Variants in MYO1D observed in about 807,000 individuals in gnomAD.
MYO1D encodes the protein unconventional myosin-Id.
Under a neutral mutation model 122.0 loss-of-function variants are expected in MYO1D, and 83 were observed. That is an observed-to-expected ratio of 0.68 (90% CI 0.57 to 0.82). MYO1D has a LOEUF of 0.82. MYO1D is among the 40% of genes least tolerant of loss of function. The probability of loss-of-function intolerance (pLI) is 0.00; values close to 1 mark genes in which losing one functional copy is unlikely to be tolerated. For missense variants in MYO1D, 1,157 were observed against 1,269.5 expected, an observed-to-expected ratio of 0.91 and a Z score of 1.35; for synonymous variants, 464 against 446.9, an observed-to-expected ratio of 1.04 and a Z score of -0.48.
At chr17:32,540,916 T>C (rs1910819265) in intron 21 of MYO1D, among the ~76,000 whole-genome samples, 2 of 132,828 alleles carry the variant, frequency 1.5e-5, no homozygotes, top group Non-Finnish European at 3.1e-5. Context: ...ACAGAGTGAC[T>C]TCGTCTCAAA....
chr17:32,668,740 C>T (rs1597989040), intron 16 of MYO1D, among the ~76,000 whole-genome samples: 3 of 148,656 alleles, frequency 2.0e-5, no homozygotes, highest in South Asian at 2.1e-4. Context: ...CTCACTCTGT[C>T]GCCCAGGCTG....
At chr17:32,733,111 T>A (rs2089659435) in intron 14 of MYO1D, among the ~76,000 whole-genome samples, 1 of 152,182 alleles carries the variant, frequency 6.6e-6, no homozygotes, top group African/African-American at 2.4e-5. Flanking sequence ...ATTCTGTGCC[T>A]GGCTCACCCT....
intron 13 of MYO1D, among the ~76,000 whole-genome samples, chr17:32,742,920 T>C (rs751151090): frequency 2.0e-5 from 3 of 152,268 alleles, no homozygotes; most frequent in Non-Finnish European, 4.4e-5. Flanking sequence ...CAATGCTACA[T>C]GGAAACCAGT....
At position 32,783,443 on chromosome 17, in the gene MYO1D, A is replaced by G. The variant is rs144939451; in HGVS notation, c.96-2659T>C. On this transcript the variant is annotated intron_variant, in intron 1 of 21. Transcript: ENST00000318217. ...GTGGCACATGCTTGCAGACCCAGCT[A>G]TTTGAGATGCTGAGGCAGAAGGATC... Among the ~76,000 whole-genome samples, 56 of 152,316 alleles carry G rather than the reference A, an allele frequency of 3.7e-4. No homozygotes were observed. In the East Asian group the frequency reaches 8.1e-3, roughly 22 times the overall value.
intron 14 of MYO1D, among the ~76,000 whole-genome samples, chr17:32,729,164 A>G (rs530966758): frequency 1.4e-3 from 216 of 151,626 alleles, no homozygotes; most frequent in Non-Finnish European, 1.8e-3. Context: ...GTCTCTCCCT[A>G]TATATTTTAC....
At chr17:32,502,676 A>G (rs897281713) in intron 21 of MYO1D, among the ~76,000 whole-genome samples, 12 of 152,172 alleles carry the variant, frequency 7.9e-5, no homozygotes, top group Admixed American at 3.9e-4. Flanking sequence ...CTAATAAGAG[A>G]TTTCTTGTGC....
intron 21 of MYO1D, among the ~76,000 whole-genome samples, chr17:32,554,324 T>C (rs1200454185): frequency 6.6e-6 from 1 of 152,176 alleles, no homozygotes; most frequent in Non-Finnish European, 1.5e-5. Context: ...ATCACTGCCA[T>C]GGCCAGATCC....
chr17:32,574,804 T>C (rs1174231664), intron 21 of MYO1D, among the ~76,000 whole-genome samples: 1 of 152,152 alleles, frequency 6.6e-6, no homozygotes, highest in African/African-American at 2.4e-5. Flanking sequence ...AGTCCTAACA[T>C]CTAAAACAGT....
At chr17:32,508,535 CA>C (rs1909578272) in intron 21 of MYO1D, among the ~76,000 whole-genome samples, 2 of 152,186 alleles carry the variant, frequency 1.3e-5, no homozygotes, top group African/African-American at 4.8e-5. Context: ...CTTGGCCTCC[CA>C]AAGTACCAGG....
At chr17:32,803,028 C>G (rs765204741) in intron 1 of MYO1D, among the ~76,000 whole-genome samples, 31 of 152,200 alleles carry the variant, frequency 2.0e-4, no homozygotes, top group Admixed American at 1.1e-3. Flanking sequence ...AGAAGTCAGT[C>G]AAACAGGGCA....
chr17:32,806,380 A>G (rs1292727936), intron 1 of MYO1D, among the ~76,000 whole-genome samples: 1 of 152,162 alleles, frequency 6.6e-6, no homozygotes, highest in Non-Finnish European at 1.5e-5. Flanking sequence ...TATGTATCCC[A>G]TTTGTAAATT....
rs560953120 is a variant in MYO1D at position 32,864,007 on chromosome 17, C to CTTTTTTTTTTTTT, written c.95+12758_95+12770dup. Among the ~76,000 whole-genome samples the CTTTTTTTTTTTTT allele has an allele frequency of 3.0e-3, 145 of 48,976 alleles. 48 individuals carry two copies. The highest frequency in any genetic ancestry group is 0.012 in the East Asian group (9 of 752). 32.1% of individuals were successfully genotyped at this position (48,976 alleles called of 152,430 possible). On this transcript the variant is annotated intron_variant, in intron 1 of 21. Transcript: ENST00000318217. ...TAATTTTGGTTACAAACATTTCTTC[C>CTTTTTTTTTTTTT]TTTTTTTTTTTTTTTTTTTTTTTTT... is the stretch of plus-strand genomic sequence containing the variant.
intron 20 of MYO1D, among the ~76,000 whole-genome samples, chr17:32,622,845 A>G (rs1452823238): frequency 6.6e-6 from 1 of 152,234 alleles, no homozygotes; most frequent in African/African-American, 2.4e-5. Context: ...TTTGGGCCTC[A>G]ACATTCAACT....
At chr17:32,773,682 C>T (rs945625134) in intron 4 of MYO1D, among the ~76,000 whole-genome samples, 1 of 152,228 alleles carries the variant, frequency 6.6e-6, no homozygotes, top group South Asian at 2.1e-4. Flanking sequence ...TCACACCTGA[C>T]CTAAAACCTA....
chr17:32,834,356 A>T (rs1472052166), intron 1 of MYO1D, among the ~76,000 whole-genome samples: 1 of 152,230 alleles, frequency 6.6e-6, no homozygotes, highest in Middle Eastern at 3.2e-3. Context: ...GTCAAAGTGA[A>T]GGTGTCCACT....
chr17:32,600,125 T>G lies in MYO1D; in HGVS notation c.2864+4962A>C, dbSNP rs144086627. Among the ~76,000 whole-genome samples the G allele has an allele frequency of 4.0e-3, 616 of 152,376 alleles. 7 individuals carry two copies. In the South Asian group the frequency reaches 0.053, roughly 13 times the overall value. ...GTACTGTCAATGCATAGTAATGTTT[T>G]GAAAGGAATCTTTTTTTTCTGAGCA... On this transcript the variant is annotated intron_variant, in intron 21 of 21. Coordinates refer to ENST00000318217, the MANE Select transcript of MYO1D (RefSeq NM_015194.3).
intron 20 of MYO1D, among the ~76,000 whole-genome samples, chr17:32,617,602 G>C (rs1040700647): frequency 6.6e-6 from 1 of 151,988 alleles, no homozygotes; most frequent in Admixed American, 6.6e-5. Context: ...CACCATGCCC[G>C]GGTAATTTTT....
chr17:32,578,843 C>T (rs184402034), intron 21 of MYO1D, among the ~76,000 whole-genome samples: 2 of 152,188 alleles, frequency 1.3e-5, no homozygotes, highest in East Asian at 3.9e-4. Context: ...CCTAGGGGTC[C>T]ATCCTGGCCC....
At chr17:32,539,085 C>A (rs1285642303) in intron 21 of MYO1D, among the ~76,000 whole-genome samples, 3 of 152,004 alleles carry the variant, frequency 2.0e-5, no homozygotes, top group Non-Finnish European at 4.4e-5. Context: ...ACCTGCACAT[C>A]CTGCACATGT....
Sources: allele counts gnomAD v4.1 joint callset (sites outside exome capture counted in the v4.1 genomes callset), GRCh38; gene constraint gnomAD v4.1.1; transcripts MANE v1.5; gene names NCBI Gene and HGNC (gene_info 2026-07-23, HGNC 2026-07-21).